P2RY8: variants seen among roughly 807,000 people sequenced by gnomAD.
P2RY8 encodes S-geranylgeranyl-glutathione receptor P2RY8.
Under a neutral mutation model 10.0 loss-of-function variants are expected in P2RY8, and 6 were observed. The ratio of observed to expected loss-of-function variants is 0.60; its 90% CI spans 0.33 to 1.19. The LOEUF (loss-of-function observed/expected upper bound fraction) is 1.19, where lower values mean the gene tolerates loss of function less well. Among genes scored for constraint, P2RY8 ranks in the 50% most tolerant of loss-of-function variants. The probability of loss-of-function intolerance (pLI) is 0.04; values close to 1 mark genes in which losing one functional copy is unlikely to be tolerated. For synonymous variants in P2RY8, 276 were observed against 252.5 expected (o/e 1.09, Z -0.88); for missense variants, 456 against 542.0 (o/e 0.84, Z 1.58).
At chrX:1,477,680 C>A (rs1425256179) in intron 1 of P2RY8, among the ~76,000 whole-genome samples, 1 of 152,138 alleles carries the variant, frequency 6.6e-6, no homozygotes, top group Non-Finnish European at 1.5e-5. Flanking sequence ...CACTGCTCAA[C>A]ACCCTACAGT....
intron 1 of P2RY8, among the ~76,000 whole-genome samples, chrX:1,514,763 CCCTTT>C (rs1210934805): frequency 2.1e-5 from 2 of 96,324 alleles, no homozygotes; most frequent in African/African-American, 4.0e-5. Context: ...CCCTTCCCTT[CCCTTT>C]CCTTTCCTCC....
intron 1 of P2RY8, among the ~76,000 whole-genome samples, chrX:1,475,124 T>C (rs2091861039): frequency 7.6e-6 from 1 of 131,978 alleles, no homozygotes; most frequent in Non-Finnish European, 1.6e-5. Context: ...GGTGGGTGGG[T>C]GGATGGATGG....
chrX:1,516,185 G>GA (rs1301887132), intron 1 of P2RY8, among the ~76,000 whole-genome samples: 2 of 142,010 alleles, frequency 1.4e-5, no homozygotes, highest in African/African-American at 2.6e-5. Flanking sequence ...CAAAAAGAGT[G>GA]AAACTCCACC....
chrX:1,500,101 G>A (rs1161213744), intron 1 of P2RY8, among the ~76,000 whole-genome samples: 8 of 150,168 alleles, frequency 5.3e-5, no homozygotes, highest in African/African-American at 9.7e-5. Context: ...CTCATGATCC[G>A]CCTGCCTCGG....
chrX:1,471,309 A>ATTTTTTTT (rs1159260456), intron 1 of P2RY8, among the ~76,000 whole-genome samples: 1 of 100,026 alleles, frequency 1.0e-5, no homozygotes, highest in Non-Finnish European at 1.9e-5. Flanking sequence ...CGCCCAGCCC[A>ATTTTTTTT]TTTTTTTTTT....
chrX:1,479,540 C>CT (rs1419857476), intron 1 of P2RY8, among the ~76,000 whole-genome samples: 1 of 151,834 alleles, frequency 6.6e-6, no homozygotes, highest in Non-Finnish European at 1.5e-5. Flanking sequence ...CCTCGAGAAA[C>CT]TAGAAAAAGA....
intron 1 of P2RY8, among the ~76,000 whole-genome samples, chrX:1,533,286 ATCT>A (rs1400039179): frequency 2.0e-5 from 3 of 149,786 alleles, no homozygotes; most frequent in Admixed American, 6.7e-5. Flanking sequence ...TTCTGAAAAA[ATCT>A]TCTGAGGAGT....
intron 1 of P2RY8, among the ~76,000 whole-genome samples, chrX:1,472,113 T>C (rs1191081534): frequency 1.3e-5 from 2 of 151,912 alleles, no homozygotes. Context: ...TTTGATTACG[T>C]AGAAGGAAGT....
At chrX:1,503,812 T>C (rs2092202936) in intron 1 of P2RY8, among the ~76,000 whole-genome samples, 1 of 151,944 alleles carries the variant, frequency 6.6e-6, no homozygotes, top group African/African-American at 2.4e-5. Flanking sequence ...GGAGAATCAC[T>C]TGAACCCGGG....
chrX:1,511,319 C>T (rs2092296178), intron 1 of P2RY8, among the ~76,000 whole-genome samples: 1 of 152,228 alleles, frequency 6.6e-6, no homozygotes, highest in Non-Finnish European at 1.5e-5. Flanking sequence ...ATCCACGTGT[C>T]AGGATGCCCT....
intron 1 of P2RY8, among the ~76,000 whole-genome samples, chrX:1,496,648 C>G (rs1392884685): frequency 1.3e-5 from 2 of 151,614 alleles, no homozygotes; most frequent in African/African-American, 4.9e-5. Context: ...TTGTAGGTAA[C>G]TAGGACTTGG....
chrX:1,493,425 G>C (rs1288605439), intron 1 of P2RY8, among the ~76,000 whole-genome samples: 1 of 55,888 alleles, frequency 1.8e-5, no homozygotes, highest in South Asian at 8.5e-4. Context: ...AAGGAGGAAG[G>C]AGGAGGGAGG....
intron 1 of P2RY8, among the ~76,000 whole-genome samples, chrX:1,518,324 G>A (rs1394680304): frequency 1.3e-5 from 2 of 150,712 alleles, no homozygotes; most frequent in East Asian, 3.9e-4. Flanking sequence ...TACTCGGGAG[G>A]CTGAGGCAGG....
chrX:1,528,083 T>G (rs2092450574), intron 1 of P2RY8, among the ~76,000 whole-genome samples: 1 of 152,148 alleles, frequency 6.6e-6, no homozygotes, highest in Non-Finnish European at 1.5e-5. Flanking sequence ...GAGTGATAAA[T>G]AAATACCTGG....
At position 1,507,669 on chromosome X, in the gene P2RY8, G is replaced by A. The variant is rs754710147; in HGVS notation, c.-25+29252C>T. ...TGCCGGCCCCTCCTGTTGGCGACGCGCGATTTCCGCCCCCCTGCCTGACTT... is the reference window on the plus strand; with the variant it reads ...TGCCGGCCCCTCCTGTTGGCGACGCACGATTTCCGCCCCCCTGCCTGACTT... On this transcript the variant is annotated intron_variant, in intron 1 of 1. Transcript: ENST00000381297. 5.9e-5 allele frequency among the ~76,000 whole-genome samples: 9 copies of A among 152,168 alleles called. No individual in the cohort carries two copies. In the East Asian group the frequency reaches 1.4e-3, roughly 23 times the overall value.
chrX:1,524,793 TCATCCATC>T (rs2092427380), intron 1 of P2RY8, among the ~76,000 whole-genome samples: 1 of 33,616 alleles, frequency 3.0e-5, no homozygotes, highest in Non-Finnish European at 6.0e-5. Context: ...ACTCATCCAT[TCATCCATC>T]CACTCATCCA....
Position 1,465,272 on chromosome X carries a change from A to G in P2RY8, c.*207T>C, listed in dbSNP as rs2091648139. Reference sequence around the variant, plus strand: ...GCTGCTGGGCTTTGCTTGTTTCTCTACCCTGAGTGAAGCCTGGAGACCCTT... The same window carrying G: ...GCTGCTGGGCTTTGCTTGTTTCTCTGCCCTGAGTGAAGCCTGGAGACCCTT... On this transcript the variant is annotated 3_prime_UTR_variant, in exon 2 of 2. Coordinates refer to ENST00000381297, the MANE Select transcript of P2RY8 (RefSeq NM_178129.5). 1 of 783,484 alleles carries G rather than the reference A, an allele frequency of 1.3e-6. No homozygotes were observed. Among genetic ancestry groups the G allele is most frequent in the African/African-American group, 1.8e-5 (1 of 57,048 alleles). The allele number at this position is 783,484 out of a possible 1,614,324, so 48.5% of individuals were successfully genotyped here.
intron 1 of P2RY8, among the ~76,000 whole-genome samples, chrX:1,512,453 AG>A (rs2092305305): frequency 6.7e-6 from 1 of 149,816 alleles, no homozygotes; most frequent in Non-Finnish European, 1.5e-5. Context: ...AGGCTGAAGC[AG>A]GAGAATCGCT....
intron 1 of P2RY8, among the ~76,000 whole-genome samples, chrX:1,491,995 G>A (rs1603457478): frequency 2.6e-5 from 4 of 152,310 alleles, no homozygotes; most frequent in South Asian, 2.1e-4. Flanking sequence ...GCCTCCCTCC[G>A]GTCCACTTTG....
Sources: gnomAD v4.1 joint callset for allele counts (sites outside exome capture counted in the v4.1 genomes callset) on GRCh38, gnomAD v4.1.1 for gene constraint, MANE v1.5 for transcripts, NCBI Gene and HGNC (gene_info 2026-07-23, HGNC 2026-07-21) for gene names.